The following ADCY2 variants were observed in gnomAD, a reference collection of about 807,000 sequenced individuals.
ADCY2 encodes adenylate cyclase 2, also known as adenylate cyclase type 2.
Under a neutral mutation model 125.2 loss-of-function variants are expected in ADCY2, and 31 were observed. That is an observed-to-expected ratio of 0.25 (90% confidence interval 0.19 to 0.33). The LOEUF (loss-of-function observed/expected upper bound fraction) is 0.33, where lower values mean the gene tolerates loss of function less well. ADCY2 is among the 10% of genes least tolerant of loss of function. The pLI is 1.00. For synonymous variants in ADCY2, 512 were observed against 548.4 expected (o/e 0.93, Z 0.93); for missense variants, 904 against 1,418.2 (o/e 0.64, Z 5.82).
chr5:7,741,641 C>A (rs1560930714), intron 14 of ADCY2, among the ~76,000 whole-genome samples: 1 of 149,412 alleles, frequency 6.7e-6, no homozygotes, highest in Non-Finnish European at 1.5e-5. Context: ...ATCATCATCA[C>A]CATCACCATC....
At chr5:7,795,755 T>C (rs959677995) in intron 20 of ADCY2, 10 of 152,240 alleles carry the variant, frequency 6.6e-5, no homozygotes, top group African/African-American at 2.4e-4. Flanking sequence ...ACCTCTGCAA[T>C]AAAGTGAATA....
At chr5:7,519,015 C>T (rs904586320) in intron 2 of ADCY2, among the ~76,000 whole-genome samples, 1 of 152,174 alleles carries the variant, frequency 6.6e-6, no homozygotes, top group Non-Finnish European at 1.5e-5. Context: ...AGCATTCATT[C>T]AGCAAGCCTA....
At chr5:7,464,969 G>T (rs1196614525) in intron 2 of ADCY2, among the ~76,000 whole-genome samples, 1 of 152,160 alleles carries the variant, frequency 6.6e-6, no homozygotes, top group African/African-American at 2.4e-5. Context: ...ATGGTGGAAG[G>T]CAAAAGGCAT....
chr5:7,604,365 A>G (rs1420511252), intron 3 of ADCY2, among the ~76,000 whole-genome samples: 2 of 536 alleles, frequency 3.7e-3, no homozygotes, highest in Non-Finnish European at 8.1e-3. Context: ...TGGTATTTCT[A>G]GTTCTAGATC....
intron 3 of ADCY2, among the ~76,000 whole-genome samples, chr5:7,530,811 C>T (rs909373041): frequency 2.0e-5 from 3 of 152,044 alleles, no homozygotes; most frequent in Admixed American, 2.0e-4. Context: ...GTGCCATGCT[C>T]GTTCTCATCT....
intron 2 of ADCY2, among the ~76,000 whole-genome samples, chr5:7,481,112 G>C (rs1011376387): frequency 2.0e-5 from 3 of 152,050 alleles, no homozygotes; most frequent in Admixed American, 6.5e-5. Context: ...ATTTTACAAG[G>C]GTTTCCCTTT....
At chr5:7,498,338 T>A (rs1248516776) in intron 2 of ADCY2, among the ~76,000 whole-genome samples, 1 of 132,230 alleles carries the variant, frequency 7.6e-6, no homozygotes, top group Non-Finnish European at 1.6e-5. Context: ...AAACTCCACC[T>A]CCCAGGTTCA....
At chr5:7,757,028 G>A (rs936953748) in intron 15 of ADCY2, among the ~76,000 whole-genome samples, 6 of 152,176 alleles carry the variant, frequency 3.9e-5, no homozygotes, top group Non-Finnish European at 8.8e-5. Context: ...CTAATGCAGT[G>A]TTAAAAGGGT....
chr5:7,709,206 C>A lies in ADCY2; in HGVS notation c.1402-5C>A. 1.9e-6 allele frequency: 3 copies of A among 1,604,534 alleles called. No homozygotes were observed. The highest frequency in any genetic ancestry group is 1.7e-6 in the Non-Finnish European group (2 of 1,175,484). Reference sequence around the variant, plus strand: ...CAGGTGTGATGCTTTGTTTCTCACCCCAAGGGAGAACGACGGAGCCCCCAG... The same window carrying A: ...CAGGTGTGATGCTTTGTTTCTCACCACAAGGGAGAACGACGGAGCCCCCAG... On this transcript the variant is annotated splice_region_variant and splice_polypyrimidine_tract_variant and intron_variant, in intron 9 of 24. Transcript: ENST00000338316. This position sits in a 1 kb window ranked among gnomAD's most constrained non-coding sequence, Gnocchi z 4.4.
chr5:7,801,229 G>A (rs978231221), intron 20 of ADCY2: 1 of 152,174 alleles, frequency 6.6e-6, no homozygotes, highest in African/African-American at 2.4e-5. Flanking sequence ...GTTCATCTGG[G>A]TGCCCCAAAG....
At chr5:7,512,233 A>AG (rs1561066814) in intron 2 of ADCY2, among the ~76,000 whole-genome samples, 9 of 143,834 alleles carry the variant, frequency 6.3e-5, no homozygotes, top group African/African-American at 1.1e-4. Context: ...AAAAAAAAAA[A>AG]AAAAAAAGAA....
intron 2 of ADCY2, among the ~76,000 whole-genome samples, chr5:7,499,663 A>G (rs370797283): frequency 8.5e-6 from 1 of 118,258 alleles, no homozygotes; most frequent in African/African-American, 2.7e-5. Flanking sequence ...ATATATATAT[A>G]TATATATATA....
At chr5:7,408,217 G>A (rs1639763768) in intron 1 of ADCY2, among the ~76,000 whole-genome samples, 1 of 150,346 alleles carries the variant, frequency 6.7e-6, no homozygotes, top group African/African-American at 2.5e-5. Context: ...GGGGATTCTG[G>A]GAAAGGTAAC....
At chr5:7,583,539 A>G (rs942226587) in intron 3 of ADCY2, among the ~76,000 whole-genome samples, 2 of 152,068 alleles carry the variant, frequency 1.3e-5, no homozygotes, top group Non-Finnish European at 2.9e-5. Context: ...GGGAAATGCA[A>G]ATTGAAACCA....
intron 18 of ADCY2, among the ~76,000 whole-genome samples, chr5:7,782,601 A>C (rs1229074056): frequency 6.6e-6 from 1 of 152,250 alleles, no homozygotes; most frequent in Non-Finnish European, 1.5e-5. Context: ...TGGGTAGAAG[A>C]AGGGGATGTC....
intron 4 of ADCY2, among the ~76,000 whole-genome samples, chr5:7,663,474 A>G (rs1459413290): frequency 3.9e-5 from 6 of 152,266 alleles, no homozygotes; most frequent in Non-Finnish European, 7.3e-5. Context: ...GCCCACCAAC[A>G]GACCTCAGGA....
intron 22 of ADCY2, among the ~76,000 whole-genome samples, chr5:7,815,363 G>A (rs963264177): frequency 2.6e-5 from 4 of 152,224 alleles, no homozygotes; most frequent in South Asian, 2.1e-4. Flanking sequence ...ACATCCATTC[G>A]GCCAAGCAGC....
chr5:7,437,179 A>C (rs917234558), intron 2 of ADCY2, among the ~76,000 whole-genome samples: 1 of 152,226 alleles, frequency 6.6e-6, no homozygotes, highest in Non-Finnish European at 1.5e-5. Flanking sequence ...GTTCAACAGC[A>C]GCCCATGCAT....
At chr5:7,652,938 G>T (rs940550105) in intron 4 of ADCY2, among the ~76,000 whole-genome samples, 2 of 152,182 alleles carry the variant, frequency 1.3e-5, no homozygotes, top group South Asian at 2.1e-4. Flanking sequence ...GAGAAGAAAC[G>T]TGTAGAAAAG....
Sources: gnomAD v4.1 joint callset for allele counts (sites outside exome capture counted in the v4.1 genomes callset) on GRCh38, gnomAD v4.1.1 for gene constraint, Gnocchi (gnomAD v3.1) non-coding constraint, MANE v1.5 for transcripts, NCBI Gene and HGNC (gene_info 2026-07-23, HGNC 2026-07-21) for gene names.